LAMB3: variants seen among roughly 807,000 people sequenced by gnomAD.
LAMB3 encodes laminin subunit beta 3, also known as laminin subunit beta-3.
In LAMB3, 104 loss-of-function variants were observed where a neutral mutation model predicts 140.3. That is an observed-to-expected ratio of 0.74 (90% confidence interval 0.63 to 0.87). The LOEUF (loss-of-function observed/expected upper bound fraction) is 0.87, where lower values mean the gene tolerates loss of function less well. Among genes scored for constraint, LAMB3 ranks in the 40% least tolerant of loss-of-function variants. LAMB3 has a pLI of 0.00. For missense variants in LAMB3, 1,531 were observed against 1,575.2 expected, an observed-to-expected ratio of 0.97 and a Z score of 0.47; for synonymous variants, 592 against 602.9, an observed-to-expected ratio of 0.98 and a Z score of 0.26.
intron 14 of LAMB3, among the ~76,000 whole-genome samples, 156 bp downstream of exon 14, chr1:209,625,492 C>T (rs11810023): frequency 0.036 from 5,432 of 152,280 alleles, 304 homozygotes; most frequent in African/African-American, 0.12. Context: ...ACCACACCAG[C>T]CTCACAGGAC....
intron 5 of LAMB3, among the ~76,000 whole-genome samples, chr1:209,636,548 A>G (rs993025540): frequency 6.6e-6 from 1 of 151,966 alleles, no homozygotes; most frequent in Non-Finnish European, 1.5e-5. Flanking sequence ...CCCTGTGTAT[A>G]CCTGGAAACT....
At chr1:209,629,048 A>G (rs1478036511) in intron 10 of LAMB3, among the ~76,000 whole-genome samples, 1 of 151,990 alleles carries the variant, frequency 6.6e-6, no homozygotes, top group Non-Finnish European at 1.5e-5. Context: ...GCTTTCCCCA[A>G]CCCCCACTCC....
rs2072940 is a variant in LAMB3, at chr1:209,632,550, C to T, written c.822+33G>A. 93 of 1,590,782 alleles carry T rather than the reference C, an allele frequency of 5.8e-5. No homozygotes were observed. In the East Asian group the frequency reaches 1.6e-3, roughly 27 times the overall value. On this transcript the variant is annotated intron_variant, in intron 8 of 22. Transcript: ENST00000356082. ...TCTGTAGTCTGCCCTGGTCCTGCCC[C>T]CTTCCTCTCCCCTTCCCACCCTAGG...
Position 209,637,974 on chromosome 1 carries a change from G to GTTCA in LAMB3, c.302_305dup (p.Pro103GlufsTer33). 6.2e-7 allele frequency: 1 copy of GTTCA among 1,612,616 alleles called. No individual in the cohort carries two copies. ...CCAGGTCCAGCTGCAGAGAGACAGG[G>GTTCA]TTCACATCTGGAAGGACAAAAAATA... is the stretch of plus-strand genomic sequence containing the variant. On this transcript the variant is annotated frameshift_variant, in exon 5 of 23. Transcript: ENST00000356082. LOFTEE classifies it high-confidence loss of function.
intron 7 of LAMB3, 143 bp downstream of exon 7, chr1:209,632,927 C>T (rs1666747448): frequency 9.7e-7 from 1 of 1,033,388 alleles, no homozygotes. Context: ...GACAATATCC[C>T]TATGGGGCAA....
intron 3 of LAMB3, among the ~76,000 whole-genome samples, chr1:209,646,216 G>T (rs1197717520): frequency 6.6e-6 from 1 of 152,206 alleles, no homozygotes; most frequent in Admixed American, 6.5e-5. Context: ...CAAATCCGCT[G>T]GTTCTTGAGG....
chr1:209,652,064 A>G (rs1328969897), intron 1 of LAMB3, among the ~76,000 whole-genome samples: 3 of 152,088 alleles, frequency 2.0e-5, no homozygotes, highest in Non-Finnish European at 4.4e-5. Flanking sequence ...GTGCTTTCTC[A>G]GCTTTCCCAC....
intron 10 of LAMB3, among the ~76,000 whole-genome samples, chr1:209,628,703 AAG>A (rs35325918): frequency 0.035 from 5,107 of 146,012 alleles, 297 homozygotes; most frequent in East Asian, 0.29. Flanking sequence ...TCCATTAAAA[AAG>A]AGAGAGAGAG....
chr1:209,646,119 G>C (rs1435330981), intron 3 of LAMB3, among the ~76,000 whole-genome samples: 1 of 152,240 alleles, frequency 6.6e-6, no homozygotes, highest in African/African-American at 2.4e-5. Context: ...GGAGGGAATG[G>C]GGGATAAATA....
intron 3 of LAMB3, among the ~76,000 whole-genome samples, chr1:209,648,937 C>G (rs1233516447): frequency 1.3e-5 from 2 of 152,102 alleles, no homozygotes; most frequent in Non-Finnish European, 2.9e-5. Flanking sequence ...GTAATCTAGA[C>G]CCACAGGGAG....
chr1:209,624,880 G>GGAAGGAAGGA (rs1553276644), intron 14 of LAMB3, among the ~76,000 whole-genome samples: 1 of 100,754 alleles, frequency 9.9e-6, no homozygotes, highest in African/African-American at 3.9e-5. Flanking sequence ...GAAAGAGAGA[G>GGAAGGAAGGA]AGGAAGGAAG....
intron 3 of LAMB3, among the ~76,000 whole-genome samples, chr1:209,639,793 G>A (rs1411793944): frequency 6.6e-6 from 1 of 151,962 alleles, no homozygotes; most frequent in Non-Finnish European, 1.5e-5. Flanking sequence ...CTGTCCAGAG[G>A]GCTCCAGATT....
At chr1:209,622,446 G>T in intron 18 of LAMB3, 90 bp downstream of exon 18, 2 of 1,488,936 alleles carry the variant, frequency 1.3e-6, no homozygotes, top group South Asian at 1.1e-5. Flanking sequence ...CTGGGACTAG[G>T]GAGGGAGGGC....
At chr1:209,632,033 C>T (rs1313646171) in intron 8 of LAMB3, among the ~76,000 whole-genome samples, 2 of 152,190 alleles carry the variant, frequency 1.3e-5, no homozygotes, top group Admixed American at 1.3e-4. Context: ...GAGGGGAGGG[C>T]TTGTTAAACT....
intron 17 of LAMB3, 63 bp downstream of exon 17, chr1:209,622,919 C>T: frequency 6.4e-7 from 1 of 1,574,496 alleles, no homozygotes. Context: ...CTCTGACTTG[C>T]CCGGGGGATC....
chr1:209,637,891 A>AC lies in LAMB3; in HGVS notation c.372+16dup, dbSNP rs1666943794. 8 of 1,602,498 alleles carry AC rather than the reference A, an allele frequency of 5.0e-6. No homozygotes were observed. The East Asian group carries it at 1.8e-4, about 36-fold the overall frequency. On this transcript the variant is annotated intron_variant, in intron 5 of 22. Coordinates refer to ENST00000356082, the MANE Select transcript of LAMB3 (RefSeq NM_000228.3). ...AGGAGCCCCTCTCCTATCCACTGCCACCCCCAGGAGGCACACCTGGAACTC... is the reference window on the plus strand; with the variant it reads ...AGGAGCCCCTCTCCTATCCACTGCCACCCCCCAGGAGGCACACCTGGAACTC...
Position 209,628,469 on chromosome 1 carries a change from A to G in LAMB3, c.1133-279T>C, listed in dbSNP as rs574054712. Among the ~76,000 whole-genome samples the G allele has an allele frequency of 1.6e-3, 242 of 152,274 alleles. 1 individual carries two copies. The highest frequency in any genetic ancestry group is 3.1e-3 in the Non-Finnish European group (214 of 68,022). On this transcript the variant is annotated intron_variant, in intron 10 of 22. Transcript: ENST00000356082. ...TCCCAGCACTTTGGGAGGCCGAGGC[A>G]GGTGGATCACCTGAGGTCAGGAGTT...
intron 3 of LAMB3, among the ~76,000 whole-genome samples, chr1:209,641,861 T>A (rs1384669628): frequency 6.6e-6 from 1 of 152,186 alleles, no homozygotes; most frequent in Non-Finnish European, 1.5e-5. Flanking sequence ...TTCTTTATAC[T>A]CTTCCCAGCC....
intron 3 of LAMB3, 65 bp from the exon 4 acceptor site, chr1:209,638,713 T>C: frequency 9.8e-7 from 1 of 1,020,300 alleles, no homozygotes; most frequent in Non-Finnish European, 1.5e-6. Flanking sequence ...CCTTGCGTCC[T>C]GAGATCCCAG....
Sources: gnomAD v4.1 joint callset for allele counts (sites outside exome capture counted in the v4.1 genomes callset) on GRCh38, gnomAD v4.1.1 for gene constraint, MANE v1.5 for transcripts, NCBI Gene and HGNC (gene_info 2026-07-23, HGNC 2026-07-21) for gene names.